EPN2: variants seen among roughly 807,000 people sequenced by gnomAD.
The protein encoded by EPN2 is epsin-2.
Under a neutral mutation model 61.7 loss-of-function variants are expected in EPN2, and 34 were observed. The observed-to-expected ratio is 0.55, with a 90% confidence interval of 0.42 to 0.73. The LOEUF is 0.73. Among genes scored for constraint, EPN2 ranks in the 30% least tolerant of loss-of-function variants. The pLI is 0.00. For missense variants in EPN2, 714 were observed against 839.2 expected (o/e 0.85, Z 1.84); for synonymous variants, 349 against 353.6 (o/e 0.99, Z 0.15).
At chr17:19,278,311 A>G (rs1017744069) in intron 1 of EPN2, among the ~76,000 whole-genome samples, 2 of 152,092 alleles carry the variant, frequency 1.3e-5, no homozygotes, top group African/African-American at 2.4e-5. Context: ...CACACTACTG[A>G]TAAAGACATA....
intron 1 of EPN2, among the ~76,000 whole-genome samples, chr17:19,278,133 ATTTG>A (rs1318892904): frequency 1.3e-5 from 2 of 150,522 alleles, no homozygotes; most frequent in African/African-American, 2.4e-5. Flanking sequence ...AGGATTATTT[ATTTG>A]TTTGTTTATT....
At chr17:19,246,862 G>T (rs1042097481) in intron 1 of EPN2, among the ~76,000 whole-genome samples, 5 of 149,654 alleles carry the variant, frequency 3.3e-5, no homozygotes, top group African/African-American at 1.0e-4. Context: ...TCCGCCCCCG[G>T]GTTCACGCCA....
In EPN2 at chr17:19,335,633, G is replaced by A; in HGVS notation, c.*1379G>A. Reference sequence around the variant, plus strand: ...CTAAGACAGGGGTGGGGGGCTAAGGGACCAGGGCTGGCCCTGATCCACCTA... The same window carrying A: ...CTAAGACAGGGGTGGGGGGCTAAGGAACCAGGGCTGGCCCTGATCCACCTA... On this transcript the variant is annotated 3_prime_UTR_variant, in exon 11 of 11. Transcript: ENST00000314728. 1 of 529,752 alleles carries A rather than the reference G, an allele frequency of 1.9e-6. No individual in the cohort carries two copies. Among genetic ancestry groups the A allele is most frequent in the Non-Finnish European group, 3.2e-6 (1 of 317,080 alleles). 32.8% of individuals were successfully genotyped at this position (529,752 alleles called of 1,614,324 possible).
In EPN2 at chr17:19,237,695, G is replaced by A. The variant is rs1401069023; in HGVS notation, c.-294+164G>A. The stretch of plus-strand genomic sequence containing the variant: ...CCCGCTGGTCCCTACGCCAGGCTCT[G>A]GGGGATCCCCTTCTTTCCAACCAGG... On this transcript the variant is annotated intron_variant, in intron 1 of 10. Transcript: ENST00000314728. Among the ~76,000 whole-genome samples the A allele has an allele frequency of 2.6e-5, 4 of 152,052 alleles. No homozygotes were observed. The East Asian group carries it at 5.8e-4, about 22-fold the overall frequency.
At chr17:19,288,645 T>TGTGGGGGTGGAGCGTGGCAGAG (rs2045428362) in intron 4 of EPN2, among the ~76,000 whole-genome samples, 1 of 151,936 alleles carries the variant, frequency 6.6e-6, no homozygotes, top group African/African-American at 2.4e-5. Flanking sequence ...ATGGCCAGTA[T>TGTGGGGGTGGAGCGTGGCAGAG]GTGGGGGTGG....
In EPN2 at chr17:19,335,355, T is replaced by C. The variant is rs1026358693; in HGVS notation, c.*1101T>C. 6.5e-7 allele frequency: 1 copy of C among 1,530,772 alleles called. No homozygotes were observed. Among genetic ancestry groups the C allele is most frequent in the East Asian group, 2.5e-5 (1 of 40,734 alleles). The allele number at this position is 1,530,772 out of a possible 1,614,324, so 94.8% of individuals were successfully genotyped here. A position where few individuals can be genotyped will look rare whatever the true frequency, so the allele number is the denominator to read the frequency against. On this transcript the variant is annotated 3_prime_UTR_variant, in exon 11 of 11. Transcript: ENST00000314728. ...AAGTTAAAGAAAAAAATCTAATGTA[T>C]GAATGTGACTCACCAATTTTTATCA... is the stretch of plus-strand genomic sequence containing the variant.
rs545622743 is a variant in EPN2, at chr17:19,308,323, C to T, written c.767-1562C>T. The T allele has an allele frequency of 7.3e-6, 7 of 955,114 alleles. No individual in the cohort carries two copies. The Admixed American group carries it at 3.1e-4, about 42-fold the overall frequency. 59.2% of individuals were successfully genotyped at this position (955,114 alleles called of 1,614,324 possible). A position where few individuals can be genotyped will look rare whatever the true frequency, so the allele number is the denominator to read the frequency against. On this transcript the variant is annotated intron_variant, in intron 4 of 10. Transcript: ENST00000314728. The stretch of plus-strand genomic sequence containing the variant: ...TCCTGGCCTCAGGTGATCCGCCCGT[C>T]TCAGCCTCCCAAAGTGCTAGGATTA...
At chr17:19,305,776 A>G (rs1905810682) in intron 4 of EPN2, among the ~76,000 whole-genome samples, 1 of 152,136 alleles carries the variant, frequency 6.6e-6, no homozygotes, top group Admixed American at 6.5e-5. Flanking sequence ...CTCGAGTGGG[A>G]GAGACCCTTG....
chr17:19,303,876 A>C (rs1473081270), intron 4 of EPN2: 1 of 152,174 alleles, frequency 6.6e-6, no homozygotes, highest in Non-Finnish European at 1.5e-5. Flanking sequence ...AGGCCGAGGC[A>C]GGCAGATCAC....
At chr17:19,238,057 C>T (rs2044838122) in intron 1 of EPN2, among the ~76,000 whole-genome samples, 1 of 152,174 alleles carries the variant, frequency 6.6e-6, no homozygotes, top group African/African-American at 2.4e-5. Flanking sequence ...CCGCCCGTCT[C>T]ACCTTTCCTG....
intron 1 of EPN2, chr17:19,279,878 C>A (rs1282069963): frequency 6.6e-6 from 1 of 151,078 alleles, no homozygotes; most frequent in Non-Finnish European, 1.5e-5. Flanking sequence ...ACTCTATCGC[C>A]CAGGCTGGAG....
intron 1 of EPN2, among the ~76,000 whole-genome samples, chr17:19,237,840 A>C (rs1567838082): frequency 6.6e-6 from 1 of 151,670 alleles, no homozygotes; most frequent in East Asian, 1.9e-4. Context: ...CCCAGAGTCC[A>C]GGGCGCCCCT....
At chr17:19,263,422 T>C (rs2045164818) in intron 1 of EPN2, among the ~76,000 whole-genome samples, 1 of 152,228 alleles carries the variant, frequency 6.6e-6, no homozygotes, top group African/African-American at 2.4e-5. Context: ...TTACGTGGGT[T>C]GGCCTTGAAA....
chr17:19,310,867 C>T (rs576123997), intron 5 of EPN2, among the ~76,000 whole-genome samples: 39 of 152,218 alleles, frequency 2.6e-4, no homozygotes, highest in African/African-American at 5.5e-4. Flanking sequence ...CTTGGGCCAC[C>T]GTGCCTGGCC....
chr17:19,294,486 A>C (rs1447546996), intron 4 of EPN2, among the ~76,000 whole-genome samples: 1 of 152,218 alleles, frequency 6.6e-6, no homozygotes, highest in African/African-American at 2.4e-5. Context: ...TGCCATAGAA[A>C]ATGGATCAAT....
At chr17:19,324,042 A>G (rs528809920) in intron 7 of EPN2, among the ~76,000 whole-genome samples, 6 of 152,378 alleles carry the variant, frequency 3.9e-5, no homozygotes, top group African/African-American at 1.4e-4. Context: ...TGAGCGGCAC[A>G]ATCCATAAGC....
rs568964486 is a variant in EPN2 at position 19,290,325 on chromosome 17, C to T, written c.766+4535C>T. On this transcript the variant is annotated intron_variant, in intron 4 of 10. Coordinates refer to ENST00000314728, the MANE Select transcript of EPN2 (RefSeq NM_014964.5). The stretch of plus-strand genomic sequence containing the variant: ...CGGGCTCTTTCCACCATTTCCTGTT[C>T]TGTTCTGCAGAACTGGCCACAGTGT... 2.0e-5 allele frequency among the ~76,000 whole-genome samples: 3 copies of T among 152,332 alleles called. No homozygotes were observed. In the East Asian group the frequency reaches 5.8e-4, roughly 29 times the overall value.
chr17:19,290,601 C>T (rs1327498452), intron 4 of EPN2, among the ~76,000 whole-genome samples: 7 of 148,432 alleles, frequency 4.7e-5, no homozygotes, highest in Non-Finnish European at 7.4e-5. Flanking sequence ...GTCTGCGGAG[C>T]CAGAGCTACA....
At chr17:19,259,597 C>A (rs911075305) in intron 1 of EPN2, among the ~76,000 whole-genome samples, 1 of 152,204 alleles carries the variant, frequency 6.6e-6, no homozygotes, top group African/African-American at 2.4e-5. Context: ...CAGGCATGAG[C>A]CACAGCGCCC....
Sources: allele counts gnomAD v4.1 joint callset (sites outside exome capture counted in the v4.1 genomes callset), GRCh38; gene constraint gnomAD v4.1.1; transcripts MANE v1.5; gene names NCBI Gene and HGNC (gene_info 2026-07-23, HGNC 2026-07-21).